Variants in JMJD1C observed in about 807,000 individuals in gnomAD.
JMJD1C encodes the protein jumonji domain containing 1C, also known as jumonji domain-containing protein 1C.
Under a neutral mutation model 245.3 loss-of-function variants are expected in JMJD1C, and 31 were observed. That is an observed-to-expected ratio of 0.13 (90% confidence interval 0.09 to 0.17). The LOEUF is 0.17. Ranked by LOEUF, JMJD1C falls within the 10% of genes least tolerant of loss-of-function variation. The pLI is 1.00. For synonymous variants in JMJD1C, 1,057 were observed against 1,017.4 expected (o/e 1.04, Z -0.74); for missense variants, 2,691 against 3,000.2 (o/e 0.90, Z 2.41).
intron 1 of JMJD1C, among the ~76,000 whole-genome samples, chr10:63,507,424 A>G (rs1359766876): frequency 6.6e-6 from 1 of 152,006 alleles, no homozygotes; most frequent in Non-Finnish European, 1.5e-5. Flanking sequence ...CGGGGGGATC[A>G]CCGGAAGTCA....
At chr10:63,514,422 C>T (rs1954956838) in intron 1 of JMJD1C, among the ~76,000 whole-genome samples, 1 of 152,190 alleles carries the variant, frequency 6.6e-6, no homozygotes, top group Non-Finnish European at 1.5e-5. Context: ...AGTACACACA[C>T]ACACCATGGA....
intron 2 of JMJD1C, among the ~76,000 whole-genome samples, chr10:63,295,082 A>C (rs1859208349): frequency 6.6e-6 from 1 of 151,918 alleles, no homozygotes; most frequent in Non-Finnish European, 1.5e-5. Flanking sequence ...AAAAAAAAGG[A>C]ATAGCATTTA....
In JMJD1C at chr10:63,294,898, C is replaced by A. The variant is rs150720342; in HGVS notation, c.334-30134G>T. The stretch of plus-strand genomic sequence containing the variant: ...GGGTCATTAAGGAAAACACTTTCCA[C>A]CAGCTCCTAGGAAGTTAATTTTAAA... On this transcript the variant is annotated intron_variant, in intron 2 of 25. Transcript: ENST00000399262. 2.0e-4 allele frequency among the ~76,000 whole-genome samples: 30 copies of A among 152,188 alleles called. No individual in the cohort carries two copies. The East Asian group carries it at 5.4e-3, about 27-fold the overall frequency.
chr10:63,305,654 G>A (rs1165714571), intron 2 of JMJD1C, among the ~76,000 whole-genome samples: 4 of 128,376 alleles, frequency 3.1e-5, no homozygotes, highest in Admixed American at 1.7e-4. Flanking sequence ...GTGTGTGTGT[G>A]TGTGTGTGTG....
Position 63,207,553 on chromosome 10 carries a change from A to G in JMJD1C, c.4116T>C (p.Phe1372=). 1 of 1,614,178 alleles carries G rather than the reference A, an allele frequency of 6.2e-7. No individual in the cohort carries two copies. The change falls in exon 10 of 26, where the codon TTT becomes TTC. Residue 1372 remains phenylalanine, a synonymous_variant. Coordinates refer to ENST00000399262, the MANE Select transcript of JMJD1C (RefSeq NM_032776.3). ...GAACACTGCCCTGTGAGACAGCCTG[A>G]AAGTTTTTTTCAGATTTTGTGTGAA... ...DSVHTKSEKN[F]QAVSQGSVPS...
chr10:63,479,423 A>G (rs865892622), intron 1 of JMJD1C, among the ~76,000 whole-genome samples: 1 of 152,180 alleles, frequency 6.6e-6, no homozygotes, highest in African/African-American at 2.4e-5. Flanking sequence ...AAAATAAGCA[A>G]TAATTCTTCA....
At chr10:63,450,512 G>A (rs532310161) in intron 1 of JMJD1C, among the ~76,000 whole-genome samples, 1 of 152,118 alleles carries the variant, frequency 6.6e-6, no homozygotes, top group African/African-American at 2.4e-5. Flanking sequence ...GCTGGAATGC[G>A]AGGATGGTTC....
intron 2 of JMJD1C, among the ~76,000 whole-genome samples, chr10:63,276,425 C>T (rs1856778257): frequency 1.3e-5 from 2 of 148,298 alleles, no homozygotes; most frequent in Admixed American, 1.4e-4. Flanking sequence ...GAGACCCCGC[C>T]ACTGCACTCC....
At chr10:63,471,470 G>A (rs1431802105) in intron 1 of JMJD1C, among the ~76,000 whole-genome samples, 1 of 152,154 alleles carries the variant, frequency 6.6e-6, no homozygotes, top group African/African-American at 2.4e-5. Flanking sequence ...TTCCTGTCAC[G>A]TGGTAGGTTC....
intron 1 of JMJD1C, among the ~76,000 whole-genome samples, chr10:63,514,454 G>A (rs1284278603): frequency 6.6e-6 from 1 of 152,150 alleles, no homozygotes; most frequent in Non-Finnish European, 1.5e-5. Flanking sequence ...ACATAACAAA[G>A]AATGAAATCA....
intron 2 of JMJD1C, among the ~76,000 whole-genome samples, chr10:63,295,129 T>TG (rs1283977920): frequency 2.6e-5 from 4 of 152,158 alleles, no homozygotes; most frequent in Admixed American, 1.3e-4. Flanking sequence ...TCCGTGTCGT[T>TG]GGGGCTGGAG....
intron 3 of JMJD1C, among the ~76,000 whole-genome samples, chr10:63,236,791 A>G (rs1589242674): frequency 6.6e-6 from 1 of 151,456 alleles, no homozygotes; most frequent in Admixed American, 6.6e-5. Flanking sequence ...TACTTGTATA[A>G]AGTATTCTAC....
At chr10:63,260,236 T>C (rs1241370601) in intron 3 of JMJD1C, among the ~76,000 whole-genome samples, 1 of 152,182 alleles carries the variant, frequency 6.6e-6, no homozygotes, top group African/African-American at 2.4e-5. Context: ...TTTATTACAT[T>C]TAAAAGCAAA....
chr10:63,213,679 G>A lies in JMJD1C; in HGVS notation c.2488C>T (p.His830Tyr), dbSNP rs999926481. Residue 830 changes from histidine to tyrosine, a missense_variant, in exon 8 of 26, where the codon CAC (histidine) becomes TAC (tyrosine). By Grantham distance (83) the His-to-Tyr change is moderately conservative (BLOSUM62 2). This residue lies in a region of JMJD1C where 1,562 missense variants were observed against 1,490.7 expected (regional missense o/e 1.05). Transcript: ENST00000399262. ...TGTAACAACTGTTGTTGTTGCTGGT[G>A]TGCTAGCGCTAAGTGGCTCAAGCTG... ...ASSLSHLALA[H>Y]QQQQQLLQHQ... 4 of 1,614,102 alleles carry A rather than the reference G, an allele frequency of 2.5e-6. No homozygotes were observed. The highest frequency in any genetic ancestry group is 3.4e-6 in the Non-Finnish European group (4 of 1,180,042).
At chr10:63,255,171 C>T (rs575902593) in intron 3 of JMJD1C, among the ~76,000 whole-genome samples, 315 of 152,258 alleles carry the variant, frequency 2.1e-3, no homozygotes, top group South Asian at 4.4e-3. Flanking sequence ...CTATCACAAG[C>T]TGTGTGAACC....
At chr10:63,497,981 G>A (rs1954414365) in intron 1 of JMJD1C, among the ~76,000 whole-genome samples, 1 of 152,144 alleles carries the variant, frequency 6.6e-6, no homozygotes, top group Non-Finnish European at 1.5e-5. Context: ...AAATGTCAAA[G>A]CAACCAATCA....
intron 3 of JMJD1C, among the ~76,000 whole-genome samples, chr10:63,240,645 C>T (rs1851367477): frequency 6.6e-6 from 1 of 152,068 alleles, no homozygotes; most frequent in African/African-American, 2.4e-5. Flanking sequence ...AAGGCCATAA[C>T]CAGACTGGGT....
chr10:63,400,378 CCTCTA>C (rs1302536600), intron 1 of JMJD1C, among the ~76,000 whole-genome samples: 4 of 152,118 alleles, frequency 2.6e-5, no homozygotes, highest in East Asian at 1.9e-4. Context: ...CCATTCCTCT[CCTCTA>C]GAGTCTCACC....
intron 2 of JMJD1C, among the ~76,000 whole-genome samples, chr10:63,278,933 T>C (rs1857108777): frequency 6.6e-6 from 1 of 151,934 alleles, no homozygotes; most frequent in South Asian, 2.1e-4. Flanking sequence ...TTGAAAGCTA[T>C]CTCTATTTTC....
Sources: allele counts gnomAD v4.1 joint callset (sites outside exome capture counted in the v4.1 genomes callset), GRCh38; gene constraint gnomAD v4.1.1; regional missense constraint gnomAD v4.1.1; transcripts MANE v1.5; gene names NCBI Gene and HGNC (gene_info 2026-07-23, HGNC 2026-07-21).